Variants in GGPS1 observed in about 807,000 individuals in gnomAD.
GGPS1 encodes the protein geranylgeranyl pyrophosphate synthase.
GGPS1 carries 15 observed loss-of-function variants against 28.1 expected under a neutral mutation model. The observed-to-expected ratio is 0.53, with a 90% CI of 0.36 to 0.82. GGPS1 has a LOEUF of 0.82. GGPS1 is among the 40% of genes least tolerant of loss of function. The pLI is 0.01. For missense variants in GGPS1, 284 were observed against 348.3 expected (o/e 0.82, Z 1.47); for synonymous variants, 138 against 122.4 (o/e 1.13, Z -0.84).
intron 2 of GGPS1, among the ~76,000 whole-genome samples, chr1:235,339,407 G>A (rs1675963207): frequency 6.6e-6 from 1 of 152,064 alleles, no homozygotes; most frequent in South Asian, 2.1e-4. Context: ...GGCGAAGGTT[G>A]TGGTGAGCCG....
At chr1:235,330,440 A>T (rs183716560) in intron 1 of GGPS1, 10 of 152,182 alleles carry the variant, frequency 6.6e-5, no homozygotes, top group African/African-American at 1.9e-4. Flanking sequence ...AGACGAGATC[A>T]CGCCACTGCA....
intron 2 of GGPS1, among the ~76,000 whole-genome samples, chr1:235,339,332 G>C (rs1281008401): frequency 6.6e-6 from 1 of 152,090 alleles, no homozygotes; most frequent in Non-Finnish European, 1.5e-5. Flanking sequence ...GCTAGGCGTA[G>C]TGACGCACAC....
Position 235,342,305 on chromosome 1 carries a change from G to A in GGPS1, c.436G>A (p.Ala146Thr). The A allele has an allele frequency of 6.2e-7, 1 of 1,614,094 alleles. No individual in the cohort carries two copies. Among genetic ancestry groups the A allele is most frequent in the South Asian group, 1.1e-5 (1 of 91,084 alleles). Residue 146 changes from alanine (A) to threonine (T), a missense_variant, in exon 4 of 4, where the codon GCT becomes ACT. Coordinates refer to ENST00000282841, the MANE Select transcript of GGPS1 (RefSeq NM_004837.4). ...TTGTCCCACTGAAGAAGAATATAAA[G>A]CTATGGTGCTGCAGAAAACAGGTGG... is the stretch of plus-strand genomic sequence containing the variant. The part of the protein sequence containing the change: ...YTCPTEEEYK[A>T]MVLQKTGGLF...
In GGPS1 at chr1:235,343,245, T is replaced by A. The variant is rs1201766156; in HGVS notation, c.*473T>A. The A allele has an allele frequency of 6.0e-6, 1 of 167,568 alleles. No individual in the cohort carries two copies. The highest frequency in any genetic ancestry group is 2.4e-5 in the African/African-American group (1 of 41,434). The allele number at this position is 167,568 out of a possible 1,614,324, so 10.4% of individuals were successfully genotyped here. ...CTTTTCCCCCCGGAAACACCCTCAC[T>A]GAAGTCTTCTATGAAAAGGCTGATA... is the stretch of plus-strand genomic sequence containing the variant. On this transcript the variant is annotated 3_prime_UTR_variant, in exon 4 of 4. Transcript: ENST00000282841.
intron 2 of GGPS1, among the ~76,000 whole-genome samples, chr1:235,337,532 G>C (rs1470950952): frequency 6.6e-6 from 1 of 152,072 alleles, no homozygotes; most frequent in Non-Finnish European, 1.5e-5. Context: ...GAGAGCTTCA[G>C]AGTTACTAAA....
chr1:235,342,700 A>C lies in GGPS1; in HGVS notation c.831A>C (p.Ala277=). ...LEAKAYKQID[A]RGGNPELVAL... is the part of the protein sequence containing the mutation. ...CTAAAGCCTATAAACAGATTGATGC[A>C]CGTGGTGGGAACCCTGAGCTAGTAG... Residue 277 remains alanine (A), a synonymous_variant, in exon 4 of 4, where the codon GCA becomes GCC. Transcript: ENST00000282841. 6.2e-7 allele frequency: 1 copy of C among 1,608,648 alleles called. No homozygotes were observed. Among genetic ancestry groups the C allele is most frequent in the Non-Finnish European group, 8.5e-7 (1 of 1,176,002 alleles).
At chr1:235,332,615 G>T (rs1349789281) in intron 1 of GGPS1, among the ~76,000 whole-genome samples, 1 of 152,168 alleles carries the variant, frequency 6.6e-6, no homozygotes, top group Non-Finnish European at 1.5e-5. Context: ...GCATGTATAT[G>T]AATCAGTGTG....
At chr1:235,338,090 T>G (rs193219734) in intron 2 of GGPS1, among the ~76,000 whole-genome samples, 1 of 152,092 alleles carries the variant, frequency 6.6e-6, no homozygotes, top group African/African-American at 2.4e-5. Flanking sequence ...AGAAATTATT[T>G]TGGAACTCAG....
chr1:235,339,264 AC>A (rs1675958984), intron 2 of GGPS1, among the ~76,000 whole-genome samples: 1 of 151,670 alleles, frequency 6.6e-6, no homozygotes, highest in Admixed American at 6.6e-5. Flanking sequence ...GTGACACTGT[AC>A]CCCAGCCTGG....
upstream of GGPS1, chr1:235,328,390 T>A (rs1480487738): frequency 6.6e-6 from 1 of 152,316 alleles, no homozygotes; most frequent in Non-Finnish European, 1.5e-5. Context: ...AAACAGAAAG[T>A]TACGCCTCAA....
intron 1 of GGPS1, chr1:235,329,771 A>T (rs1307039752): frequency 6.6e-6 from 1 of 152,256 alleles, no homozygotes; most frequent in Non-Finnish European, 1.5e-5. Flanking sequence ...GATGGCTCCG[A>T]TTGGAATGTC....
intron 2 of GGPS1, among the ~76,000 whole-genome samples, chr1:235,340,751 A>AAAAAAAAC (rs1558327326): frequency 3.3e-5 from 5 of 149,626 alleles, no homozygotes; most frequent in African/African-American, 7.4e-5. Context: ...AAAAAAAAAA[A>AAAAAAAAC]AAAAAAACAA....
At chr1:235,339,277 C>T (rs960454643) in intron 2 of GGPS1, among the ~76,000 whole-genome samples, 1 of 151,196 alleles carries the variant, frequency 6.6e-6, no homozygotes, top group African/African-American at 2.4e-5. Flanking sequence ...CCAGCCTGGG[C>T]AACAAGAGCA....
intron 1 of GGPS1, among the ~76,000 whole-genome samples, chr1:235,331,821 G>C (rs560928171): frequency 1.0e-3 from 155 of 152,240 alleles, no homozygotes; most frequent in African/African-American, 3.6e-3. Context: ...TACATATGTA[G>C]AAGTTTTATT....
chr1:235,335,160 C>CAA, intron 1 of GGPS1, 82 bp from the exon 2 acceptor site: 1 of 657,450 alleles, frequency 1.5e-6, no homozygotes, highest in African/African-American at 1.8e-5. Flanking sequence ...TTCACAAACA[C>CAA]CCTGCAATAC....
At chr1:235,340,730 C>T (rs1253198345) in intron 2 of GGPS1, among the ~76,000 whole-genome samples, 5 of 78,442 alleles carry the variant, frequency 6.4e-5, no homozygotes, top group South Asian at 1.1e-3. Context: ...AGCGAGACTC[C>T]GTCTCAAAAA....
intron 1 of GGPS1, among the ~76,000 whole-genome samples, chr1:235,334,738 A>G (rs1316457231): frequency 6.6e-6 from 1 of 152,042 alleles, no homozygotes; most frequent in Non-Finnish European, 1.5e-5. Flanking sequence ...ATAGCTGTAG[A>G]ATCTTGCTTT....
chr1:235,340,362 C>T (rs1281217037), intron 2 of GGPS1, among the ~76,000 whole-genome samples: 2 of 151,780 alleles, frequency 1.3e-5, no homozygotes, highest in African/African-American at 4.8e-5. Flanking sequence ...GCCAGCTACT[C>T]GGGAGGCTGA....
chr1:235,335,853 C>T (rs1675846926), intron 2 of GGPS1, among the ~76,000 whole-genome samples: 1 of 152,204 alleles, frequency 6.6e-6, no homozygotes, highest in African/African-American at 2.4e-5. Flanking sequence ...ATTTGTTTAA[C>T]AGTAGAACAC....
Sources: gnomAD v4.1 joint callset for allele counts (sites outside exome capture counted in the v4.1 genomes callset) on GRCh38, gnomAD v4.1.1 for gene constraint, MANE v1.5 for transcripts, NCBI Gene and HGNC (gene_info 2026-07-23, HGNC 2026-07-21) for gene names.